The following SMG7 variants were observed in gnomAD, a reference collection of about 807,000 sequenced individuals.
SMG7 encodes the protein SMG7 nonsense mediated mRNA decay factor, also known as nonsense-mediated mRNA decay factor SMG7.
A neutral mutation model predicts 148.2 loss-of-function variants in SMG7; 34 were observed. The ratio of observed to expected loss-of-function variants is 0.23; its 90% CI spans 0.17 to 0.31. SMG7 has a LOEUF of 0.31. Ranked by LOEUF, SMG7 falls within the 10% of genes least tolerant of loss-of-function variation. SMG7 has a pLI of 1.00. For synonymous variants in SMG7, 492 were observed against 515.1 expected (o/e 0.96, Z 0.61); for missense variants, 1,114 against 1,408.4 (o/e 0.79, Z 3.35).
Position 183,549,904 on chromosome 1 carries a change from A to C in SMG7, c.3114A>C (p.Pro1038=), listed in dbSNP as rs1270048045. ...TTTTTGAAGGGACTCCGTGGTCTCC[A>C]TCACTTCCTGCCAGTTCAGGTATTA... The part of the protein sequence containing the change: ...YSLFEGTPWS[P]SLPASSDHST... The change falls in exon 20 of 23, where the codon CCA becomes CCC. Residue 1038 remains proline, a synonymous_variant. Transcript: ENST00000688051. 6.2e-7 allele frequency: 1 copy of C among 1,613,822 alleles called. No homozygotes were observed. Among genetic ancestry groups the C allele is most frequent in the South Asian group, 1.1e-5 (1 of 91,076 alleles).
chr1:183,511,255 T>C (rs1312474349), intron 1 of SMG7, among the ~76,000 whole-genome samples: 1 of 152,244 alleles, frequency 6.6e-6, no homozygotes, highest in Non-Finnish European at 1.5e-5. Flanking sequence ...TGCAAGGTGC[T>C]GTGCTAGTAG....
chr1:183,548,721 C>G (rs367973672), intron 18 of SMG7, among the ~76,000 whole-genome samples: 17 of 152,166 alleles, frequency 1.1e-4, no homozygotes, highest in African/African-American at 7.2e-5. Flanking sequence ...CTTTTAGCAA[C>G]TGTTTTACTA....
At position 183,552,171 on chromosome 1, in the gene SMG7, C is replaced by G; in HGVS notation, c.*240C>G. 2 of 1,171,014 alleles carry G rather than the reference C, an allele frequency of 1.7e-6. No individual in the cohort carries two copies. The highest frequency in any genetic ancestry group is 3.2e-5 in the African/African-American group (2 of 63,482). 72.5% of individuals were successfully genotyped at this position (1,171,014 alleles called of 1,614,324 possible). ...CCCTCCGGAGGGAGAGAGAGAGGAACTGCTGTTTATCTCACTCAGTTACTT... is the reference window on the plus strand; with the variant it reads ...CCCTCCGGAGGGAGAGAGAGAGGAAGTGCTGTTTATCTCACTCAGTTACTT... On this transcript the variant is annotated 3_prime_UTR_variant, in exon 23 of 23. Transcript: ENST00000688051.
At chr1:183,528,579 T>C (rs1007307124) in intron 6 of SMG7, among the ~76,000 whole-genome samples, 3 of 152,224 alleles carry the variant, frequency 2.0e-5, no homozygotes, top group African/African-American at 7.2e-5. Flanking sequence ...TTATGGCTGC[T>C]TTCACACTAC....
At chr1:183,519,914 A>T (rs1049992008) in intron 4 of SMG7, among the ~76,000 whole-genome samples, 2 of 152,140 alleles carry the variant, frequency 1.3e-5, no homozygotes, top group African/African-American at 4.8e-5. Context: ...AATACTGTTG[A>T]CACCATTTTG....
chr1:183,487,661 A>G (rs975833273), intron 1 of SMG7, among the ~76,000 whole-genome samples: 2 of 152,176 alleles, frequency 1.3e-5, no homozygotes, highest in African/African-American at 4.8e-5. Flanking sequence ...CCCTATTGGA[A>G]ATTGGATGTG....
chr1:183,546,013 T>G lies in SMG7; in HGVS notation c.2418T>G (p.Val806=). 1 of 1,613,700 alleles carries G rather than the reference T, an allele frequency of 6.2e-7. No individual in the cohort carries two copies. Among genetic ancestry groups the G allele is most frequent in the Non-Finnish European group, 8.5e-7 (1 of 1,179,830 alleles). Residue 806 remains valine, a synonymous_variant, in exon 17 of 23, where the codon GTT becomes GTG. Coordinates refer to ENST00000688051, the MANE Select transcript of SMG7 (RefSeq NM_001375584.1). ...AACAGCTGTGGAATCCCCCTCAGGT[T>G]CAAGGCCCATTAGGGAAAATTATGC... ...ASKQLWNPPQ[V]QGPLGKIMPV... is the part of the protein sequence containing the mutation.
Position 183,533,468 on chromosome 1 carries a change from C to T in SMG7, c.1006+142C>T, listed in dbSNP as rs1289702193. The T allele has an allele frequency of 5.0e-6, 5 of 990,588 alleles. No homozygotes were observed. The African/African-American group carries it at 6.5e-5, about 13-fold the overall frequency. 61.4% of individuals were successfully genotyped at this position (990,588 alleles called of 1,614,324 possible). On this transcript the variant is annotated intron_variant, in intron 9 of 22. Coordinates refer to ENST00000688051, the MANE Select transcript of SMG7 (RefSeq NM_001375584.1). ...ATCAGGAGTTCATAATAACTTTCAA[C>T]CCCAAGTTCTATCCTTTTATCTGCT... is the stretch of plus-strand genomic sequence containing the variant.
At chr1:183,472,929 C>G in intron 1 of SMG7, 2 of 360,318 alleles carry the variant, frequency 5.6e-6, no homozygotes, top group Non-Finnish European at 9.9e-6. Flanking sequence ...CCCTTGGTCT[C>G]GGGTTTGCTA....
At position 183,535,691 on chromosome 1, in the gene SMG7, A is replaced by G. The variant is rs551164876; in HGVS notation, c.1164-1454A>G. ...CTTTCCCTTGTACTTTTTTGAGAAC[A>G]TACTCTCTTAAGCTAATGAATACAT... is the stretch of plus-strand genomic sequence containing the variant. On this transcript the variant is annotated intron_variant, in intron 10 of 22. Coordinates refer to ENST00000688051, the MANE Select transcript of SMG7 (RefSeq NM_001375584.1). Among the ~76,000 whole-genome samples the G allele has an allele frequency of 5.9e-5, 9 of 152,272 alleles. No homozygotes were observed. In the South Asian group the frequency reaches 1.9e-3, roughly 32 times the overall value.
intron 7 of SMG7, 118 bp downstream of exon 7, chr1:183,529,160 T>C (rs936876654): frequency 9.5e-7 from 1 of 1,051,176 alleles, no homozygotes; most frequent in African/African-American, 1.6e-5. Context: ...TTTCTAAACA[T>C]ATAGATTTTT....
At chr1:183,499,669 T>G (rs1659316901) in intron 1 of SMG7, among the ~76,000 whole-genome samples, 1 of 152,242 alleles carries the variant, frequency 6.6e-6, no homozygotes, top group African/African-American at 2.4e-5. Context: ...TCTTCGACTT[T>G]GTGGCTTGTT....
At chr1:183,530,115 C>T (rs1388427038) in intron 8 of SMG7, among the ~76,000 whole-genome samples, 2 of 152,082 alleles carry the variant, frequency 1.3e-5, no homozygotes, top group Non-Finnish European at 2.9e-5. Context: ...AAAGTATTAA[C>T]TTTTTTTCAG....
chr1:183,477,670 G>C (rs1156638030), intron 1 of SMG7, among the ~76,000 whole-genome samples: 6 of 131,792 alleles, frequency 4.6e-5, no homozygotes, highest in African/African-American at 1.8e-4. Flanking sequence ...GTGTATATAT[G>C]CATATATACG....
In SMG7 at chr1:183,491,550, G is replaced by A. The variant is rs188742571; in HGVS notation, c.29+18901G>A. On this transcript the variant is annotated intron_variant, in intron 1 of 22. Transcript: ENST00000688051. The stretch of plus-strand genomic sequence containing the variant: ...ATACACTCGGGTACATACATATGTG[G>A]CTATATACATATATATATATCTCCT... Among the ~76,000 whole-genome samples, 28 of 152,044 alleles carry A rather than the reference G, an allele frequency of 1.8e-4. No individual in the cohort carries two copies. The East Asian group carries it at 5.4e-3, about 29-fold the overall frequency.
chr1:183,491,445 C>T lies in SMG7; in HGVS notation c.29+18796C>T, dbSNP rs183896173. Among the ~76,000 whole-genome samples, 4 of 152,048 alleles carry T rather than the reference C, an allele frequency of 2.6e-5. No individual in the cohort carries two copies. In the East Asian group the frequency reaches 7.7e-4, roughly 29 times the overall value. On this transcript the variant is annotated intron_variant, in intron 1 of 22. Transcript: ENST00000688051. ...TTTTTGTGTACATGTGTTTTCATTT[C>T]TCTTGGTTTGCATGTATGTATTTTG... is the stretch of plus-strand genomic sequence containing the variant.
Position 183,545,271 on chromosome 1 carries a change from G to A in SMG7, c.2329G>A (p.Ala777Thr), listed in dbSNP as rs778799891. The change falls in exon 16 of 23, where the codon GCT becomes ACT. Residue 777 changes from alanine (A) to threonine (T), a missense_variant. Around this residue, in one of 4 missense-constraint regions of SMG7, gnomAD observed 788 missense variants for 894.5 expected, o/e 0.88. Transcript: ENST00000688051. The stretch of plus-strand genomic sequence containing the variant: ...ACAATCCCCTACAAAAGCTGTGCCG[G>A]CTTTGGGGAAAAGCCCGCCTCACCA... ...QQQSPTKAVP[A>T]LGKSPPHHSG... 1.9e-6 allele frequency: 3 copies of A among 1,612,838 alleles called. No individual in the cohort carries two copies. Among genetic ancestry groups the A allele is most frequent in the Non-Finnish European group, 2.5e-6 (3 of 1,179,986 alleles).
chr1:183,520,349 A>T (rs1321082949), intron 4 of SMG7, among the ~76,000 whole-genome samples: 1 of 152,190 alleles, frequency 6.6e-6, no homozygotes, highest in Non-Finnish European at 1.5e-5. Flanking sequence ...GTTCAGTGGG[A>T]TATTAATGAA....
intron 8 of SMG7, among the ~76,000 whole-genome samples, chr1:183,532,116 A>G (rs947973434): frequency 3.3e-5 from 5 of 152,164 alleles, no homozygotes; most frequent in African/African-American, 9.7e-5. Flanking sequence ...AGAGCTTACT[A>G]TGGCTATTTC....
Sources: gnomAD v4.1 joint callset for allele counts (sites outside exome capture counted in the v4.1 genomes callset) on GRCh38, gnomAD v4.1.1 for gene constraint, gnomAD v4.1.1 regional missense constraint, MANE v1.5 for transcripts, NCBI Gene and HGNC (gene_info 2026-07-23, HGNC 2026-07-21) for gene names.